BAHCC1: variants seen among roughly 807,000 people sequenced by gnomAD.
The protein encoded by BAHCC1 is BAH domain and coiled-coil containing 1.
In BAHCC1, 43 loss-of-function variants were observed where a neutral mutation model predicts 88.2. The ratio of observed to expected loss-of-function variants is 0.49; its 90% CI spans 0.38 to 0.63. The LOEUF (loss-of-function observed/expected upper bound fraction) is 0.63, where lower values mean the gene tolerates loss of function less well. Among genes scored for constraint, BAHCC1 ranks in the 20% least tolerant of loss-of-function variants. The pLI is 0.00. For missense variants in BAHCC1, 3,023 were observed against 1,654.8 expected, an observed-to-expected ratio of 1.83 and a Z score of -14.34; for synonymous variants, 1,510 against 745.5, an observed-to-expected ratio of 2.03 and a Z score of -16.71.
In BAHCC1 at chr17:81,457,512, T is replaced by G; in HGVS notation, c.4961T>G (p.Leu1654Arg). ...LLHTGASVAV[L>R]GPSPSSVVKM... ...CACACCGGGGCCAGTGTGGCCGTGC[T>G]GGGGCCCTCACCCTCCTCTGTGGTC... The change falls in exon 17 of 28, where the codon CTG becomes CGG. Residue 1654 changes from leucine to arginine, a missense_variant. By Grantham distance (102) the Leu-to-Arg change is moderately radical. Coordinates refer to ENST00000675386, the MANE Select transcript of BAHCC1 (RefSeq NM_001377448.1). The G allele has an allele frequency of 1.3e-6, 1 of 756,558 alleles. No individual in the cohort carries two copies. Among genetic ancestry groups the G allele is most frequent in the East Asian group, 2.5e-5 (1 of 40,290 alleles). The allele number at this position is 756,558 out of a possible 1,614,324, so 46.9% of individuals were successfully genotyped here.
chr17:81,409,381 G>T (rs2063920381), intron 2 of BAHCC1, among the ~76,000 whole-genome samples: 1 of 152,234 alleles, frequency 6.6e-6, no homozygotes, highest in Non-Finnish European at 1.5e-5. Flanking sequence ...GGCTGGAGCT[G>T]CGCCGGCTGA....
intron 2 of BAHCC1, among the ~76,000 whole-genome samples, chr17:81,414,850 G>A (rs1372113000): frequency 6.6e-6 from 1 of 152,172 alleles, no homozygotes; most frequent in African/African-American, 2.4e-5. Context: ...CCTGATCGCT[G>A]CCACGCTGCG....
At chr17:81,420,450 C>G (rs1208940789) in intron 2 of BAHCC1, among the ~76,000 whole-genome samples, 3 of 152,212 alleles carry the variant, frequency 2.0e-5, no homozygotes, top group East Asian at 3.9e-4. Context: ...GACAGCAGGT[C>G]CAGGCACAGC....
chr17:81,433,683 CCCGGG>C (rs2064298075), intron 3 of BAHCC1, among the ~76,000 whole-genome samples: 1 of 150,666 alleles, frequency 6.6e-6, no homozygotes, highest in African/African-American at 2.4e-5. Flanking sequence ...CCCTGTGTGC[CCCGGG>C]CAGGTGTCAT....
chr17:81,438,543 A>T, intron 4 of BAHCC1, 51 bp downstream of exon 4: 1 of 731,604 alleles, frequency 1.4e-6, no homozygotes, highest in Non-Finnish European at 2.5e-6. Context: ...GGAGGTGGGG[A>T]GGGGGCGCAG....
chr17:81,458,814 G>A lies in BAHCC1; in HGVS notation c.5450G>A (p.Gly1817Asp). The change falls in exon 20 of 28, where the codon GGC becomes GAC. Residue 1817 changes from glycine (G) to aspartate (D), a missense_variant and splice_region_variant. By Grantham distance (94) the Gly-to-Asp change is moderately conservative. Transcript: ENST00000675386. Reference protein sequence around the residue: ...SKVKHKAGKQGKGRAVSRLLE... With the variant: ...SKVKHKAGKQDKGRAVSRLLE... ...AAGCCTGACTCCTCTGGCCCCCAGG[G>A]CAAGGGCCGGGCCGTGAGCCGCCTG... is the stretch of plus-strand genomic sequence containing the variant. The A allele has an allele frequency of 1.3e-6, 1 of 763,774 alleles. No homozygotes were observed. The highest frequency in any genetic ancestry group is 1.4e-5 in the South Asian group (1 of 73,354). 47.3% of individuals were successfully genotyped at this position (763,774 alleles called of 1,614,324 possible).
At chr17:81,463,269 C>T (rs2030459294) in intron 27 of BAHCC1, among the ~76,000 whole-genome samples, 1 of 152,228 alleles carries the variant, frequency 6.6e-6, no homozygotes, top group Admixed American at 6.5e-5. Flanking sequence ...CCCTCCCTGC[C>T]TCCAGTGCCA....
intron 3 of BAHCC1, among the ~76,000 whole-genome samples, chr17:81,430,578 G>A: frequency 6.6e-6 from 1 of 152,198 alleles, no homozygotes; most frequent in Non-Finnish European, 1.5e-5. Context: ...CCCCTCTGAG[G>A]TCTCAGGACT....
chr17:81,440,764 A>T (rs1027148362), intron 4 of BAHCC1, among the ~76,000 whole-genome samples: 1 of 152,132 alleles, frequency 6.6e-6, no homozygotes, highest in Admixed American at 6.5e-5. Context: ...CTCACCCCCC[A>T]CCAGGCAGGG....
chr17:81,461,565 G>C lies in BAHCC1; in HGVS notation c.6902G>C (p.Gly2301Ala), dbSNP rs1253640014. ...TCGGACGAGGACGAGGACGGGCCGG[G>C]GCTGGCGGCCGGCGTGCCCTCCCGC... ...SFSDEDEDGPGLAAGVPSRFL... is the reference protein window; with the variant it reads ...SFSDEDEDGPALAAGVPSRFL... The change falls in exon 26 of 28, where the codon GGG becomes GCG. Residue 2301 changes from glycine (G) to alanine (A), a missense_variant. Physicochemically the swap from Gly to Ala is moderately conservative, Grantham distance 60. Transcript: ENST00000675386. 12 of 721,524 alleles carry C rather than the reference G, an allele frequency of 1.7e-5. No homozygotes were observed. In the African/African-American group the frequency reaches 2.1e-4, roughly 13 times the overall value. The allele number at this position is 721,524 out of a possible 1,614,324, so 44.7% of individuals were successfully genotyped here. A position where few individuals can be genotyped will look rare whatever the true frequency, so the allele number is the denominator to read the frequency against.
At chr17:81,444,992 C>T (rs781913301) in intron 8 of BAHCC1, 23 bp from the exon 9 acceptor site, 4 of 728,038 alleles carry the variant, frequency 5.5e-6, no homozygotes, top group South Asian at 2.9e-5. Flanking sequence ...GCCAGGCTGA[C>T]CCCTCCTGGG....
In BAHCC1 at chr17:81,461,500, G is replaced by A. The variant is rs782350336; in HGVS notation, c.6837G>A (p.Glu2279=). The part of the protein sequence containing the change: ...LALRKYAGQA[E]FPLPYDSDCH... ...TGCGCAAGTACGCGGGCCAGGCAGA[G>A]TTCCCGCTGCCCTACGACAGCGACT... Residue 2279 remains glutamate, a synonymous_variant, in exon 26 of 28, where the codon GAG becomes GAA. Coordinates refer to ENST00000675386, the MANE Select transcript of BAHCC1 (RefSeq NM_001377448.1). The A allele has an allele frequency of 2.7e-6, 2 of 743,166 alleles. No individual in the cohort carries two copies. Among genetic ancestry groups the A allele is most frequent in the African/African-American group, 1.7e-5 (1 of 58,436 alleles). The allele number at this position is 743,166 out of a possible 1,614,324, so 46.0% of individuals were successfully genotyped here.
chr17:81,421,472 C>A (rs1480462724), intron 2 of BAHCC1, among the ~76,000 whole-genome samples: 1 of 152,216 alleles, frequency 6.6e-6, no homozygotes, highest in Non-Finnish European at 1.5e-5. Context: ...CCGGGCTCCT[C>A]GGGAGCTGAG....
At chr17:81,403,219 G>A (rs564270085) in intron 2 of BAHCC1, among the ~76,000 whole-genome samples, 3 of 152,180 alleles carry the variant, frequency 2.0e-5, no homozygotes, top group Non-Finnish European at 2.9e-5. Flanking sequence ...GGCTGGGCCC[G>A]CTCCTGTCCT....
In BAHCC1 at chr17:81,444,460, A is replaced by G; in HGVS notation, c.2404A>G (p.Met802Val). 1 of 733,440 alleles carries G rather than the reference A, an allele frequency of 1.4e-6. No individual in the cohort carries two copies. The highest frequency in any genetic ancestry group is 2.5e-6 in the Non-Finnish European group (1 of 395,988). The allele number at this position is 733,440 out of a possible 1,614,324, so 45.4% of individuals were successfully genotyped here. A position where few individuals can be genotyped will look rare whatever the true frequency, so the allele number is the denominator to read the frequency against. Residue 802 changes from methionine to valine, a missense_variant, in exon 7 of 28, where the codon ATG becomes GTG. By Grantham distance (21) the Met-to-Val change is conservative. Transcript: ENST00000675386. ...TGGGGACCTGGCCCCCCACCTCATG[A>G]TGCAGAGCGGCCAGCTGGGCGGGGA... ...CPGDLAPHLM[M>V]QSGQLGGDPA...
intron 2 of BAHCC1, among the ~76,000 whole-genome samples, chr17:81,407,178 A>G (rs2063891426): frequency 6.6e-6 from 1 of 152,224 alleles, no homozygotes; most frequent in African/African-American, 2.4e-5. Flanking sequence ...GTGCAGGGAC[A>G]TGGTTTTCCA....
chr17:81,437,044 T>G (rs2064346394), intron 3 of BAHCC1, among the ~76,000 whole-genome samples: 1 of 152,224 alleles, frequency 6.6e-6, no homozygotes, highest in Non-Finnish European at 1.5e-5. Flanking sequence ...GAACAGTGCC[T>G]GCCACTGCTG....
Position 81,441,827 on chromosome 17 carries a change from A to T in BAHCC1, c.482-4A>T. The T allele has an allele frequency of 1.6e-6, 1 of 637,306 alleles. No homozygotes were observed. Among genetic ancestry groups the T allele is most frequent in the Non-Finnish European group, 2.9e-6 (1 of 346,166 alleles). The allele number at this position is 637,306 out of a possible 1,614,324, so 39.5% of individuals were successfully genotyped here. On this transcript the variant is annotated splice_polypyrimidine_tract_variant and splice_region_variant and intron_variant, in intron 4 of 27. Coordinates refer to ENST00000675386, the MANE Select transcript of BAHCC1 (RefSeq NM_001377448.1). ...CCCATTGACCTTGGCTCTTTCCCAC[A>T]CAGATAACTTCTACCTGCGCAACCT...
At chr17:81,410,005 TG>T in intron 2 of BAHCC1, 1 of 261,500 alleles carries the variant, frequency 3.8e-6, no homozygotes. Context: ...CGGCCTAAGG[TG>T]GGGATCGGTG....
Sources: allele counts gnomAD v4.1 joint callset (sites outside exome capture counted in the v4.1 genomes callset), GRCh38; gene constraint gnomAD v4.1.1; transcripts MANE v1.5; gene names NCBI Gene and HGNC (gene_info 2026-07-23, HGNC 2026-07-21).